SLC39A11: variants seen among roughly 807,000 people sequenced by gnomAD.
SLC39A11 encodes the protein zinc transporter ZIP11.
Under a neutral mutation model 36.1 loss-of-function variants are expected in SLC39A11, and 33 were observed. That is an observed-to-expected ratio of 0.91 (90% CI 0.69 to 1.22). SLC39A11 has a LOEUF of 1.22. Among genes scored for constraint, SLC39A11 ranks in the 50% most tolerant of loss-of-function variants. The pLI, the probability that SLC39A11 is intolerant of heterozygous loss-of-function variation, is 0.00. For missense variants in SLC39A11, 432 were observed against 430.3 expected, an observed-to-expected ratio of 1.00 and a Z score of -0.03; for synonymous variants, 166 against 170.3, an observed-to-expected ratio of 0.97 and a Z score of 0.20.
At chr17:73,054,617 G>A (rs971741769) in intron 3 of SLC39A11, among the ~76,000 whole-genome samples, 3 of 151,724 alleles carry the variant, frequency 2.0e-5, no homozygotes, top group Admixed American at 6.6e-5. Flanking sequence ...AAACTGGCCT[G>A]GCCAACATGG....
At chr17:72,687,326 G>T (rs1264144701) in intron 7 of SLC39A11, among the ~76,000 whole-genome samples, 1 of 152,086 alleles carries the variant, frequency 6.6e-6, no homozygotes, top group Non-Finnish European at 1.5e-5. Context: ...TGCGATCTCG[G>T]CTCACTGCAA....
intron 4 of SLC39A11, among the ~76,000 whole-genome samples, chr17:72,986,891 T>A (rs1031859463): frequency 2.0e-5 from 3 of 152,172 alleles, no homozygotes; most frequent in Non-Finnish European, 4.4e-5. Flanking sequence ...TAGTTTTTTA[T>A]ACCAGAAGGG....
chr17:73,080,302 G>T (rs561861101), intron 3 of SLC39A11, among the ~76,000 whole-genome samples: 1 of 152,260 alleles, frequency 6.6e-6, no homozygotes, highest in Non-Finnish European at 1.5e-5. Context: ...TAGACCAATG[G>T]AATAGAATAG....
At chr17:72,882,561 C>T (rs12103831) in intron 5 of SLC39A11, among the ~76,000 whole-genome samples, 4 of 152,142 alleles carry the variant, frequency 2.6e-5, no homozygotes, top group South Asian at 2.1e-4. Flanking sequence ...ACTTCAGGAC[C>T]GAATCCAAGA....
intron 5 of SLC39A11, among the ~76,000 whole-genome samples, chr17:72,945,643 G>A (rs780076355): frequency 2.6e-5 from 4 of 152,138 alleles, no homozygotes; most frequent in Non-Finnish European, 4.4e-5. Context: ...AGCTAGCAAC[G>A]GTTACAAGGG....
At chr17:72,861,660 T>TATATAG (rs1298090469) in intron 5 of SLC39A11, among the ~76,000 whole-genome samples, 1 of 56,532 alleles carries the variant, frequency 1.8e-5, no homozygotes, top group Non-Finnish European at 4.1e-5. Flanking sequence ...CAACACATTA[T>TATATAG]ATATATATAT....
intron 6 of SLC39A11, among the ~76,000 whole-genome samples, chr17:72,806,411 A>G (rs2077261649): frequency 1.3e-5 from 2 of 152,140 alleles, no homozygotes; most frequent in South Asian, 4.1e-4. Context: ...CCTTTGAAGC[A>G]CTTCTGCCAA....
At chr17:72,670,216 T>C (rs555078862) in intron 7 of SLC39A11, among the ~76,000 whole-genome samples, 100 of 123,296 alleles carry the variant, frequency 8.1e-4, no homozygotes, top group African/African-American at 2.1e-3. Context: ...CACACACATA[T>C]ATATATATGC....
At position 72,767,587 on chromosome 17, in the gene SLC39A11, C is replaced by A. The variant is rs183216993; in HGVS notation, c.602-30868G>T. On this transcript the variant is annotated intron_variant, in intron 6 of 9. Coordinates refer to ENST00000255559, the MANE Select transcript of SLC39A11 (RefSeq NM_139177.4). The stretch of plus-strand genomic sequence containing the variant: ...GGAAGACAGCTCCACGGAGAGCAAC[C>A]TTCCATGAGTTGGTCAGCAGAGCTT... Among the ~76,000 whole-genome samples the A allele has an allele frequency of 2.5e-4, 38 of 152,348 alleles. No individual in the cohort carries two copies. In the South Asian group the frequency reaches 6.0e-3, roughly 24 times the overall value.
At chr17:73,031,244 C>T (rs905005887) in intron 4 of SLC39A11, among the ~76,000 whole-genome samples, 4 of 152,166 alleles carry the variant, frequency 2.6e-5, no homozygotes, top group Admixed American at 6.5e-5. Context: ...AAACCCAGCA[C>T]CACAGTGATC....
intron 6 of SLC39A11, among the ~76,000 whole-genome samples, chr17:72,790,277 C>T (rs999641540): frequency 1.3e-5 from 2 of 152,134 alleles, no homozygotes; most frequent in Admixed American, 1.3e-4. Flanking sequence ...GAGAAAGAAT[C>T]CATCCTGGTT....
At chr17:73,033,173 A>C (rs1461457628) in intron 3 of SLC39A11, among the ~76,000 whole-genome samples, 1 of 152,186 alleles carries the variant, frequency 6.6e-6, no homozygotes, top group Non-Finnish European at 1.5e-5. Flanking sequence ...GTCTGACAGG[A>C]GGCGGAGCTC....
At chr17:72,836,553 C>CTGGTCTTGAACTCCCAGGT (rs1208053786) in intron 6 of SLC39A11, among the ~76,000 whole-genome samples, 58 of 152,094 alleles carry the variant, frequency 3.8e-4, no homozygotes, top group Non-Finnish European at 7.6e-4. Context: ...GTTGCCCAGG[C>CTGGTCTTGAACTCCCAGGT]TGGTCTTGAA....
chr17:73,060,333 C>G (rs2059805008), intron 3 of SLC39A11, among the ~76,000 whole-genome samples: 1 of 151,118 alleles, frequency 6.6e-6, no homozygotes, highest in African/African-American at 2.4e-5. Flanking sequence ...CTGCGTTCTA[C>G]CAAAATAACT....
chr17:72,752,915 G>T (rs1004162218), intron 6 of SLC39A11, among the ~76,000 whole-genome samples: 1 of 152,078 alleles, frequency 6.6e-6, no homozygotes, highest in African/African-American at 2.4e-5. Context: ...GAGTGCAATG[G>T]TGCCATCATG....
intron 6 of SLC39A11, among the ~76,000 whole-genome samples, chr17:72,767,097 C>G (rs2075784264): frequency 6.6e-6 from 1 of 152,216 alleles, no homozygotes; most frequent in South Asian, 2.1e-4. Context: ...GAGCTCCTGA[C>G]CAAAATCGGC....
intron 7 of SLC39A11, among the ~76,000 whole-genome samples, chr17:72,665,399 T>TTTTTG (rs1370975031): frequency 3.8e-5 from 4 of 106,456 alleles, no homozygotes; most frequent in Non-Finnish European, 8.8e-5. Context: ...GTTTTTTTTT[T>TTTTTG]TTTTTTTTTT....
chr17:72,694,363 C>T (rs1476587759), intron 7 of SLC39A11, among the ~76,000 whole-genome samples: 1 of 152,204 alleles, frequency 6.6e-6, no homozygotes, highest in South Asian at 2.1e-4. Flanking sequence ...AGAATTGGCT[C>T]CTTAGGATAC....
chr17:72,792,434 G>T (rs1420330610), intron 6 of SLC39A11, among the ~76,000 whole-genome samples: 1 of 152,176 alleles, frequency 6.6e-6, no homozygotes, highest in Admixed American at 6.5e-5. Context: ...CTTTCCTACT[G>T]GGTGGGAAGA....
Sources: allele counts gnomAD v4.1 joint callset (sites outside exome capture counted in the v4.1 genomes callset), GRCh38; gene constraint gnomAD v4.1.1; transcripts MANE v1.5; gene names NCBI Gene and HGNC (gene_info 2026-07-23, HGNC 2026-07-21).